The following NCALD variants were observed in gnomAD, a reference collection of about 807,000 sequenced individuals.
The protein encoded by NCALD is neurocalcin-delta.
A neutral mutation model predicts 18.6 loss-of-function variants in NCALD; 10 were observed. The ratio of observed to expected loss-of-function variants is 0.54; its 90% CI spans 0.33 to 0.91. NCALD has a LOEUF of 0.91. Ranked by LOEUF, NCALD falls within the 40% of genes least tolerant of loss-of-function variation. The probability of loss-of-function intolerance (pLI) is 0.03; values close to 1 mark genes in which losing one functional copy is unlikely to be tolerated. For synonymous variants in NCALD, 88 were observed against 87.4 expected, an observed-to-expected ratio of 1.01 and a Z score of -0.04; for missense variants, 184 against 247.6, an observed-to-expected ratio of 0.74 and a Z score of 1.72.
intron 2 of NCALD, among the ~76,000 whole-genome samples, chr8:101,988,918 A>C (rs1394282277): frequency 3.3e-5 from 5 of 151,504 alleles, no homozygotes; most frequent in African/African-American, 7.3e-5. Flanking sequence ...AAAAAAAAAA[A>C]AAAAAACAGA....
intron 4 of NCALD, among the ~76,000 whole-genome samples, chr8:101,859,609 G>A (rs1815458753): frequency 1.3e-5 from 2 of 152,116 alleles, no homozygotes; most frequent in Admixed American, 6.6e-5. Context: ...CTAAACGTAT[G>A]ATAGCAGAGA....
At chr8:101,805,417 ATCTAT>A (rs1317434743) in intron 4 of NCALD, among the ~76,000 whole-genome samples, 2 of 152,150 alleles carry the variant, frequency 1.3e-5, no homozygotes, top group East Asian at 3.9e-4. Flanking sequence ...CCCTTGTTCT[ATCTAT>A]CCTCCATTCA....
At chr8:102,063,032 T>C (rs1312126765) in intron 1 of NCALD, among the ~76,000 whole-genome samples, 2 of 152,220 alleles carry the variant, frequency 1.3e-5, no homozygotes, top group Non-Finnish European at 2.9e-5. Context: ...CACTTAAATA[T>C]ATAGAAATAC....
At chr8:101,851,986 T>A (rs558149870) in intron 4 of NCALD, among the ~76,000 whole-genome samples, 16 of 152,254 alleles carry the variant, frequency 1.1e-4, no homozygotes, top group African/African-American at 3.9e-4. Flanking sequence ...TTGCCCCTTC[T>A]ACCATATGAG....
At chr8:101,794,120 A>G (rs1414688233), upstream of NCALD, among the ~76,000 whole-genome samples, 1 of 152,194 alleles carries the variant, frequency 6.6e-6, no homozygotes, top group Non-Finnish European at 1.5e-5. Context: ...GGAGGATAAT[A>G]AAGTTAATAT....
chr8:101,924,262 T>TC (rs1818264804), intron 2 of NCALD, among the ~76,000 whole-genome samples: 1 of 152,224 alleles, frequency 6.6e-6, no homozygotes, highest in South Asian at 2.1e-4. Context: ...AACCATCCTA[T>TC]CAGTCAGCCA....
intron 3 of NCALD, among the ~76,000 whole-genome samples, chr8:101,910,720 G>A (rs1190852226): frequency 6.6e-6 from 1 of 152,040 alleles, no homozygotes; most frequent in African/African-American, 2.4e-5. Context: ...CCAGAATTTT[G>A]GTAAAAGGTG....
intron 4 of NCALD, among the ~76,000 whole-genome samples, chr8:101,799,013 A>T (rs77586576): frequency 6.6e-6 from 1 of 152,234 alleles, no homozygotes; most frequent in African/African-American, 2.4e-5. Context: ...TGAAAAGACA[A>T]GCTACAGGCT....
At chr8:102,086,059 T>C (rs908322033) in intron 1 of NCALD, among the ~76,000 whole-genome samples, 6 of 152,206 alleles carry the variant, frequency 3.9e-5, no homozygotes, top group Non-Finnish European at 8.8e-5. Flanking sequence ...TTGGGTACCA[T>C]GTTTAAAACA....
chr8:101,845,352 C>T (rs757262174), intron 4 of NCALD, among the ~76,000 whole-genome samples: 9 of 152,168 alleles, frequency 5.9e-5, no homozygotes, highest in Non-Finnish European at 1.2e-4. Flanking sequence ...GAGGAGCCAA[C>T]TTAAAGCTGC....
chr8:101,995,369 A>C (rs931104664), intron 2 of NCALD, among the ~76,000 whole-genome samples: 3 of 152,344 alleles, frequency 2.0e-5, no homozygotes, highest in Admixed American at 1.3e-4. Flanking sequence ...CCATTCTTGC[A>C]CTGATATAAA....
At chr8:101,732,669 T>TCTCAG (rs1816894376) in intron 1 of NCALD, among the ~76,000 whole-genome samples, 1 of 130,222 alleles carries the variant, frequency 7.7e-6, no homozygotes, top group East Asian at 2.6e-4. Context: ...AGTGGCACGA[T>TCTCAG]CTCAGCTCAC....
chr8:101,723,031 G>A (rs1229746066), intron 1 of NCALD, among the ~76,000 whole-genome samples: 1 of 152,182 alleles, frequency 6.6e-6, no homozygotes, highest in Non-Finnish European at 1.5e-5. Flanking sequence ...AGGGAAGCCT[G>A]ACAATACCTT....
At chr8:101,857,491 A>G (rs1272676267) in intron 4 of NCALD, among the ~76,000 whole-genome samples, 1 of 152,198 alleles carries the variant, frequency 6.6e-6, no homozygotes, top group African/African-American at 2.4e-5. Flanking sequence ...AAGAAATAAT[A>G]TAATAGGGAC....
intron 2 of NCALD, among the ~76,000 whole-genome samples, chr8:101,946,228 A>G (rs1432902303): frequency 2.0e-5 from 3 of 152,198 alleles, no homozygotes; most frequent in East Asian, 1.9e-4. Flanking sequence ...TTTATATAAC[A>G]TTATTTAAAT....
chr8:101,689,386 A>G lies in NCALD; in HGVS notation c.505T>C (p.Phe169Leu). The G allele has an allele frequency of 1.2e-6, 2 of 1,610,032 alleles. No individual in the cohort carries two copies. Among genetic ancestry groups the G allele is most frequent in the Non-Finnish European group, 1.7e-6 (2 of 1,178,268 alleles). ...GGGTCGCTTTTGGCTCCTCGGATGA[A>G]CTCTTCCAGGGAGAGTTTTCCTAGG... ...NRDGKLSLEE[F>L]IRGAKSDPSI... The change falls in exon 4 of 4, where the codon TTC becomes CTC. Residue 169 changes from phenylalanine to leucine, a missense_variant. Physicochemically the swap from Phe to Leu is conservative, Grantham distance 22 (BLOSUM62 0). Transcript: ENST00000220931. This position sits in a 1 kb window ranked among gnomAD's most constrained non-coding sequence, Gnocchi z 4.4.
intron 4 of NCALD, among the ~76,000 whole-genome samples, chr8:101,838,161 AAATAT>A (rs1814491245): frequency 6.6e-6 from 1 of 152,230 alleles, no homozygotes; most frequent in Admixed American, 6.5e-5. Context: ...ATTTCATGAC[AAATAT>A]AATATAGATC....
chr8:101,763,385 G>A (rs1430046806), intron 1 of NCALD, among the ~76,000 whole-genome samples: 4 of 152,118 alleles, frequency 2.6e-5, no homozygotes, highest in Non-Finnish European at 5.9e-5. Flanking sequence ...TATGAAAGGA[G>A]GAAATGACTC....
intron 2 of NCALD, among the ~76,000 whole-genome samples, chr8:101,974,461 G>C (rs1277393796): frequency 6.6e-6 from 1 of 152,216 alleles, no homozygotes; most frequent in African/African-American, 2.4e-5. Flanking sequence ...TAGGGAGGCA[G>C]TATATTATCA....
Sources: gnomAD v4.1 joint callset for allele counts (sites outside exome capture counted in the v4.1 genomes callset) on GRCh38, gnomAD v4.1.1 for gene constraint, Gnocchi (gnomAD v3.1) non-coding constraint, MANE v1.5 for transcripts, NCBI Gene and HGNC (gene_info 2026-07-23, HGNC 2026-07-21) for gene names.